The following OLA1 variants were observed in gnomAD, a reference collection of about 807,000 sequenced individuals.
OLA1 encodes Obg like ATPase 1.
Under a neutral mutation model 48.4 loss-of-function variants are expected in OLA1, and 14 were observed. The observed-to-expected ratio is 0.29, with a 90% CI of 0.19 to 0.45. The LOEUF (loss-of-function observed/expected upper bound fraction) is 0.45. Among genes scored for constraint, OLA1 ranks in the 20% least tolerant of loss-of-function variants. The pLI is 1.00. For missense variants in OLA1, 325 were observed against 467.1 expected (o/e 0.70, Z 2.80); for synonymous variants, 127 against 150.4 (o/e 0.84, Z 1.14).
rs188270324 is a variant in OLA1 at position 174,130,609 on chromosome 2, C to T, written c.550-6934G>A. 7.2e-5 allele frequency among the ~76,000 whole-genome samples: 11 copies of T among 152,242 alleles called. No individual in the cohort carries two copies. In the South Asian group the frequency reaches 2.3e-3, roughly 32 times the overall value. Reference sequence around the variant, plus strand: ...TTAGTAAAGAGAAGAAGGCAACTGTCCCTATGATTCCTGAAAATAAGTTTG... The same window carrying T: ...TTAGTAAAGAGAAGAAGGCAACTGTTCCTATGATTCCTGAAAATAAGTTTG... On this transcript the variant is annotated intron_variant, in intron 5 of 10. Transcript: ENST00000284719.
intron 7 of OLA1, among the ~76,000 whole-genome samples, chr2:174,112,920 CA>C (rs1483416258): frequency 6.6e-6 from 1 of 152,128 alleles, no homozygotes; most frequent in Non-Finnish European, 1.5e-5. Flanking sequence ...TCAACTCCCT[CA>C]CCCCATCACT....
chr2:174,120,117 G>T (rs1047422561), intron 7 of OLA1, among the ~76,000 whole-genome samples: 9 of 151,992 alleles, frequency 5.9e-5, no homozygotes, highest in African/African-American at 2.2e-4. Context: ...ATTGATGGCT[G>T]GTAGGTGTAA....
intron 4 of OLA1, among the ~76,000 whole-genome samples, chr2:174,159,630 A>T (rs1686966289): frequency 6.6e-6 from 1 of 152,186 alleles, no homozygotes; most frequent in Non-Finnish European, 1.5e-5. Context: ...TAAAATAAAT[A>T]CATGTTACTG....
intron 4 of OLA1, among the ~76,000 whole-genome samples, chr2:174,170,101 C>T (rs1484775318): frequency 3.3e-5 from 5 of 152,116 alleles, no homozygotes; most frequent in South Asian, 2.1e-4. Context: ...GGCATGGTGG[C>T]GGGCGCCTGT....
intron 4 of OLA1, chr2:174,172,203 G>A (rs1417874584): frequency 4.6e-6 from 1 of 217,016 alleles, no homozygotes; most frequent in Non-Finnish European, 1.0e-5. Context: ...GAATGTGGAG[G>A]CAGCCAGTAC....
rs191645387 is a variant in OLA1 at position 174,219,565 on chromosome 2, C to A, written c.373+3468G>T. Among the ~76,000 whole-genome samples the A allele has an allele frequency of 4.4e-4, 67 of 151,194 alleles. 1 individual carries two copies. The highest frequency in any genetic ancestry group is 5.9e-5 in the Non-Finnish European group (4 of 67,850). ...CCAATCCAGCCTCGAGTAGCTGAGA[C>A]CACAGGCACATGCCACCATACCCAG... On this transcript the variant is annotated intron_variant, in intron 4 of 10. Coordinates refer to ENST00000284719, the MANE Select transcript of OLA1 (RefSeq NM_013341.5).
At chr2:174,144,951 A>AAAATATATATATATAT in intron 4 of OLA1, among the ~76,000 whole-genome samples, 1 of 40,278 alleles carries the variant, frequency 2.5e-5, no homozygotes, top group Non-Finnish European at 4.0e-5. Context: ...AAAAAAAAAA[A>AAAATATATATATATAT]ATATATATAT....
chr2:174,134,407 A>T (rs1316306310), intron 5 of OLA1, among the ~76,000 whole-genome samples: 1 of 152,244 alleles, frequency 6.6e-6, no homozygotes, highest in East Asian at 1.9e-4. Context: ...AAGCATATTC[A>T]TCACCTCATA....
rs145801596 is a variant in OLA1 at position 174,146,569 on chromosome 2, C to T, written c.374-4569G>A. Among the ~76,000 whole-genome samples, 1,069 of 152,292 alleles carry T rather than the reference C, an allele frequency of 7.0e-3. 12 individuals are homozygous for T. The highest frequency in any genetic ancestry group is 0.01 in the Non-Finnish European group (698 of 68,016). On this transcript the variant is annotated intron_variant, in intron 4 of 10. Coordinates refer to ENST00000284719, the MANE Select transcript of OLA1 (RefSeq NM_013341.5). ...TGTTTAAAGTAACAAATCTGAGTGACATCACCTAGAGAGAGCACTCCAACA... is the reference window on the plus strand; with the variant it reads ...TGTTTAAAGTAACAAATCTGAGTGATATCACCTAGAGAGAGCACTCCAACA...
chr2:174,166,438 G>A (rs760126570), intron 4 of OLA1, among the ~76,000 whole-genome samples: 18 of 152,178 alleles, frequency 1.2e-4, no homozygotes, highest in African/African-American at 2.9e-4. Flanking sequence ...TGTGGGAGTC[G>A]CAGTACTGGT....
rs114513122 is a variant in OLA1 at position 174,129,966 on chromosome 2, G to T, written c.550-6291C>A. Among the ~76,000 whole-genome samples the T allele has an allele frequency of 8.0e-3, 1,215 of 152,212 alleles. 18 individuals are homozygous for T. Among genetic ancestry groups the T allele is most frequent in the African/African-American group, 0.028 (1,144 of 41,524 alleles). On this transcript the variant is annotated intron_variant, in intron 5 of 10. Transcript: ENST00000284719. ...AGATGAACTGACTTATGCTGGTTAG[G>T]TAGCTTTAACAAAGACAGCCAACAA... is the stretch of plus-strand genomic sequence containing the variant.
intron 4 of OLA1, among the ~76,000 whole-genome samples, chr2:174,189,952 C>A (rs1342208647): frequency 2.0e-5 from 3 of 150,522 alleles, no homozygotes; most frequent in African/African-American, 7.3e-5. Context: ...AACAACATTA[C>A]AGCCATAAAA....
At chr2:174,232,158 T>G (rs975346954) in intron 2 of OLA1, among the ~76,000 whole-genome samples, 7 of 152,208 alleles carry the variant, frequency 4.6e-5, no homozygotes, top group African/African-American at 1.7e-4. Flanking sequence ...ACTTAGGACC[T>G]ACATACTTTA....
chr2:174,176,786 C>T lies in OLA1; in HGVS notation c.374-34786G>A, dbSNP rs990227125. On this transcript the variant is annotated intron_variant, in intron 4 of 10. Coordinates refer to ENST00000284719, the MANE Select transcript of OLA1 (RefSeq NM_013341.5). The stretch of plus-strand genomic sequence containing the variant: ...ATAAAGTAAACAATGCATGTTTCTG[C>T]GAAAACTTTATTTTCAAAAAGAACC... Among the ~76,000 whole-genome samples, 4 of 152,132 alleles carry T rather than the reference C, an allele frequency of 2.6e-5. No homozygotes were observed. The South Asian group carries it at 8.3e-4, about 32-fold the overall frequency.
chr2:174,165,450 T>C (rs1049480254), intron 4 of OLA1, among the ~76,000 whole-genome samples: 2 of 152,186 alleles, frequency 1.3e-5, no homozygotes, highest in African/African-American at 4.8e-5. Flanking sequence ...CAACAATCTT[T>C]TTCAAAGGTT....
intron 9 of OLA1, chr2:174,080,937 T>C (rs1170183615): frequency 2.1e-6 from 1 of 481,986 alleles, no homozygotes; most frequent in Non-Finnish European, 3.7e-6. Flanking sequence ...AAATTCAGAC[T>C]ATGTAATAGG....
At chr2:174,233,654 C>T (rs1445352920) in intron 2 of OLA1, among the ~76,000 whole-genome samples, 1 of 152,154 alleles carries the variant, frequency 6.6e-6, no homozygotes, top group Non-Finnish European at 1.5e-5. Flanking sequence ...GGATTATAGG[C>T]GTGAGCCACT....
At chr2:174,142,467 C>T (rs1420624581) in intron 4 of OLA1, among the ~76,000 whole-genome samples, 1 of 152,108 alleles carries the variant, frequency 6.6e-6, no homozygotes, top group African/African-American at 2.4e-5. Context: ...TAATGAACCA[C>T]TCAGACACAC....
intron 4 of OLA1, among the ~76,000 whole-genome samples, chr2:174,174,035 C>CAAAAAAAAAAA (rs112671944): frequency 3.0e-5 from 4 of 135,592 alleles, no homozygotes; most frequent in Non-Finnish European, 6.5e-5. Flanking sequence ...CACACACACA[C>CAAAAAAAAAAA]AAAAAAAAAA....
Sources: gnomAD v4.1 joint callset for allele counts (sites outside exome capture counted in the v4.1 genomes callset) on GRCh38, gnomAD v4.1.1 for gene constraint, MANE v1.5 for transcripts, NCBI Gene and HGNC (gene_info 2026-07-23, HGNC 2026-07-21) for gene names.